The following TCF12 variants were observed in gnomAD, a reference collection of about 807,000 sequenced individuals.
The protein encoded by TCF12 is DNA-binding protein HTF4.
In TCF12, 45 loss-of-function variants were observed where a neutral mutation model predicts 86.0. The ratio of observed to expected loss-of-function variants is 0.52; its 90% confidence interval spans 0.41 to 0.67. The LOEUF (loss-of-function observed/expected upper bound fraction) is 0.67. Ranked by LOEUF, TCF12 falls within the 30% of genes least tolerant of loss-of-function variation. TCF12 has a pLI of 0.00. For synonymous variants in TCF12, 330 were observed against 299.6 expected, an observed-to-expected ratio of 1.10 and a Z score of -1.05; for missense variants, 881 against 859.9, an observed-to-expected ratio of 1.02 and a Z score of -0.31.
intron 8 of TCF12, chr15:57,219,252 C>G (rs2058465200): frequency 4.3e-6 from 5 of 1,163,432 alleles, no homozygotes; most frequent in Non-Finnish European, 5.3e-6. Context: ...TTAAAAGTGA[C>G]TTGCATTTTT....
At chr15:57,168,817 G>A (rs1268155483) in intron 6 of TCF12, among the ~76,000 whole-genome samples, 2 of 152,110 alleles carry the variant, frequency 1.3e-5, no homozygotes, top group Non-Finnish European at 2.9e-5. Flanking sequence ...AGGCCAAGGC[G>A]GGCGGATTGC....
At chr15:56,985,631 G>A (rs1466746997) in intron 3 of TCF12, among the ~76,000 whole-genome samples, 1 of 152,102 alleles carries the variant, frequency 6.6e-6, no homozygotes. Flanking sequence ...TGTAAATTAA[G>A]GTTACAGAAC....
intron 3 of TCF12, among the ~76,000 whole-genome samples, chr15:56,992,038 G>C (rs1249656252): frequency 5.9e-5 from 9 of 151,750 alleles, no homozygotes; most frequent in Non-Finnish European, 8.8e-5. Flanking sequence ...AGGATCACTT[G>C]AGACCAGCAG....
intron 3 of TCF12, among the ~76,000 whole-genome samples, chr15:57,028,565 A>G (rs75861842): frequency 0.041 from 6,175 of 152,200 alleles, 377 homozygotes; most frequent in Admixed American, 0.17. Flanking sequence ...TTTAAAGGGC[A>G]CCTCATAATT....
intron 3 of TCF12, among the ~76,000 whole-genome samples, chr15:57,025,567 G>A (rs2065778120): frequency 6.6e-6 from 1 of 152,120 alleles, no homozygotes; most frequent in African/African-American, 2.4e-5. Context: ...GGATGGAATT[G>A]TAGCCTATAA....
At position 57,260,149 on chromosome 15, in the gene TCF12, T is replaced by C. The variant is rs1235137693; in HGVS notation, c.1468-1945T>C. Reference sequence around the variant, plus strand: ...GTGTGAGAAAATACTTAGTTTGTATTGTTCTATAGTGTAAAAATATTTCCT... The same window carrying C: ...GTGTGAGAAAATACTTAGTTTGTATCGTTCTATAGTGTAAAAATATTTCCT... On this transcript the variant is annotated intron_variant, in intron 16 of 20. Transcript: ENST00000333725. Among the ~76,000 whole-genome samples, 4 of 152,224 alleles carry C rather than the reference T, an allele frequency of 2.6e-5. No individual in the cohort carries two copies. In the East Asian group the frequency reaches 7.7e-4, roughly 29 times the overall value.
At chr15:57,251,119 T>C in intron 13 of TCF12, 3 of 420,720 alleles carry the variant, frequency 7.1e-6, no homozygotes, top group Non-Finnish European at 1.3e-5. Flanking sequence ...GTAGCTGTAT[T>C]TAAAATTACA....
intron 4 of TCF12, among the ~76,000 whole-genome samples, chr15:57,065,801 A>G (rs1596359207): frequency 1.3e-5 from 2 of 152,218 alleles, no homozygotes; most frequent in South Asian, 2.1e-4. Flanking sequence ...GAAATGCTGT[A>G]TTTTACTTAG....
At chr15:57,098,009 C>CAAAAAAAAAAAAAAAAAA (rs72046243) in intron 5 of TCF12, among the ~76,000 whole-genome samples, 5 of 48,412 alleles carry the variant, frequency 1.0e-4, no homozygotes, top group African/African-American at 1.9e-4. Context: ...TACAAAAATA[C>CAAAAAAAAAAAAAAAAAA]AAAAAAAAAA....
At chr15:57,131,234 C>G (rs528355370) in intron 5 of TCF12, among the ~76,000 whole-genome samples, 1 of 152,186 alleles carries the variant, frequency 6.6e-6, no homozygotes, top group South Asian at 2.1e-4. Flanking sequence ...TTTAATTCTG[C>G]CTGTTGCTTT....
chr15:57,162,808 T>G (rs2054591590), intron 5 of TCF12, among the ~76,000 whole-genome samples: 1 of 152,196 alleles, frequency 6.6e-6, no homozygotes, highest in Admixed American at 6.5e-5. Context: ...ACCTTTAACC[T>G]TGTTCCTTTT....
At chr15:57,264,873 G>A (rs2060776164) in intron 18 of TCF12, among the ~76,000 whole-genome samples, 1 of 152,024 alleles carries the variant, frequency 6.6e-6, no homozygotes. Flanking sequence ...GGGACTACAG[G>A]TGCCTGCCAC....
At chr15:57,212,826 C>T (rs1597357715) in intron 8 of TCF12, among the ~76,000 whole-genome samples, 1 of 152,276 alleles carries the variant, frequency 6.6e-6, no homozygotes, top group East Asian at 1.9e-4. Flanking sequence ...CTCTTGCCTC[C>T]TGAGAGGCAG....
At chr15:57,144,609 C>T (rs2053226596) in intron 5 of TCF12, among the ~76,000 whole-genome samples, 1 of 152,070 alleles carries the variant, frequency 6.6e-6, no homozygotes, top group African/African-American at 2.4e-5. Context: ...GTTTTTCCCT[C>T]TCTTTTTGAG....
intron 16 of TCF12, among the ~76,000 whole-genome samples, chr15:57,256,543 T>TCCCCCC (rs1566997445): frequency 2.5e-4 from 35 of 138,258 alleles, no homozygotes; most frequent in South Asian, 4.9e-4. Context: ...TGGAATCGAT[T>TCCCCCC]CCCCACCCCC....
chr15:56,941,481 T>C (rs2060773449), intron 3 of TCF12, among the ~76,000 whole-genome samples: 1 of 151,878 alleles, frequency 6.6e-6, no homozygotes, highest in Admixed American at 6.6e-5. Flanking sequence ...CTAGCAATTC[T>C]CCTGCCTCAG....
intron 3 of TCF12, among the ~76,000 whole-genome samples, chr15:57,004,942 C>G (rs2064260427): frequency 6.6e-6 from 1 of 152,182 alleles, no homozygotes; most frequent in Non-Finnish European, 1.5e-5. Context: ...AGAGTATTAG[C>G]TATACTATAT....
intron 3 of TCF12, among the ~76,000 whole-genome samples, chr15:56,981,022 CAT>C (rs1433157434): frequency 2.0e-5 from 3 of 152,158 alleles, no homozygotes; most frequent in African/African-American, 7.2e-5. Context: ...CAGGAAGCCT[CAT>C]ATTTCTGCAT....
At chr15:57,219,475 A>T in intron 8 of TCF12, 1 of 1,593,888 alleles carries the variant, frequency 6.3e-7, no homozygotes, top group Non-Finnish European at 8.6e-7. Context: ...TGTCTTGGAG[A>T]GAGGCTGTGT....
Sources: gnomAD v4.1 joint callset for allele counts (sites outside exome capture counted in the v4.1 genomes callset) on GRCh38, gnomAD v4.1.1 for gene constraint, MANE v1.5 for transcripts, NCBI Gene and HGNC (gene_info 2026-07-23, HGNC 2026-07-21) for gene names.